The following SRCAP variants were observed in gnomAD, a reference collection of about 807,000 sequenced individuals.
SRCAP encodes the protein chromatin remodeling protein SRCAP.
A neutral mutation model predicts 263.1 loss-of-function variants in SRCAP; 46 were observed. That is an observed-to-expected ratio of 0.17 (90% CI 0.14 to 0.22). The LOEUF (loss-of-function observed/expected upper bound fraction) is 0.22. Ranked by LOEUF, SRCAP falls within the 10% of genes least tolerant of loss-of-function variation. The pLI, the probability that SRCAP is intolerant of heterozygous loss-of-function variation, is 1.00. For synonymous variants in SRCAP, 1,813 were observed against 1,662.1 expected (o/e 1.09, Z -2.21); for missense variants, 3,695 against 4,181.9 (o/e 0.88, Z 3.21).
chr16:30,735,435 C>G (rs1392215970), intron 31 of SRCAP, among the ~76,000 whole-genome samples: 1 of 151,038 alleles, frequency 6.6e-6, no homozygotes. Flanking sequence ...CGTGAGCCAC[C>G]GCGCCCGGCC....
rs1333008869 is a variant in SRCAP at position 30,713,395 on chromosome 16, G to T, written c.2300+18G>T. 3 of 1,613,846 alleles carry T rather than the reference G, an allele frequency of 1.9e-6. No homozygotes were observed. Among genetic ancestry groups the T allele is most frequent in the Non-Finnish European group, 2.5e-6 (3 of 1,179,852 alleles). ...TTCAACAGGTGGAGATGGAGATGGG[G>T]ATTCATGGGAGGGTTGACTTGGCTA... On this transcript the variant is annotated intron_variant, in intron 15 of 33. Transcript: ENST00000262518.
In SRCAP at chr16:30,724,002, G is replaced by A. The variant is rs771217843; in HGVS notation, c.4578G>A (p.Leu1526=). Residue 1526 remains leucine, a synonymous_variant, in exon 25 of 34, where the codon TTG becomes TTA. Transcript: ENST00000262518. ...SSSQTPGHPL[L]LAPTSSHVPG... is the part of the protein sequence containing the mutation. ...CTCAGACACCTGGTCACCCTCTGTT[G>A]TTGGCTCCCACCTCTTCACATGTTC... The A allele has an allele frequency of 6.2e-6, 10 of 1,613,922 alleles. No individual in the cohort carries two copies. The Admixed American group carries it at 6.7e-5, about 11-fold the overall frequency.
chr16:30,712,554 A>G (rs1441888181), intron 13 of SRCAP, 115 bp downstream of exon 13: 2 of 1,527,892 alleles, frequency 1.3e-6, no homozygotes, highest in East Asian at 2.3e-5. Flanking sequence ...CATTAACTGT[A>G]TAGAGAGGAC....
chr16:30,699,901 G>A lies in SRCAP; in HGVS notation c.-283-7G>A, dbSNP rs538599578. 6.6e-6 allele frequency: 1 copy of A among 152,340 alleles called. No homozygotes were observed. Among genetic ancestry groups the A allele is most frequent in the Admixed American group, 6.5e-5 (1 of 15,296 alleles). 9.4% of individuals were successfully genotyped at this position (152,340 alleles called of 1,614,324 possible). On this transcript the variant is annotated splice_region_variant and splice_polypyrimidine_tract_variant and intron_variant, in intron 1 of 33. Transcript: ENST00000262518. ...GAGTAAATAATACGCTTTGATGGAT[G>A]TTTCAGGTGTGATTCCCTTCAGTAC...
Position 30,723,659 on chromosome 16 carries a change from C to A in SRCAP, c.4235C>A (p.Ser1412Tyr). Residue 1412 changes from serine to tyrosine, a missense_variant, in exon 25 of 34, where the codon TCT (serine) becomes TAT (tyrosine). Physicochemically the swap from Ser to Tyr is moderately radical, Grantham distance 144. This residue lies in a region of SRCAP where 1,347 missense variants were observed against 1,304.4 expected (regional missense o/e 1.03). Transcript: ENST00000262518. ...CCATCCTCCCTCCCTGGGCCAGCCT[C>A]TTCTCCAATGCCAATTCCCAACTCC... is the stretch of plus-strand genomic sequence containing the variant. ...HVPSSLPGPA[S>Y]SPMPIPNSSP... is the part of the protein sequence containing the mutation. 1.2e-6 allele frequency: 2 copies of A among 1,613,852 alleles called. No homozygotes were observed. Among genetic ancestry groups the A allele is most frequent in the Non-Finnish European group, 1.7e-6 (2 of 1,179,812 alleles).
Position 30,724,400 on chromosome 16 carries a change from C to T in SRCAP, c.4976C>T (p.Ser1659Leu). ...PAPTPVLAPSSTQTMLPAPVP... is the reference protein window; with the variant it reads ...PAPTPVLAPSLTQTMLPAPVP... ...CCAACCCCTGTGTTGGCTCCATCAT[C>T]AACTCAAACTATGCTACCAGCCCCG... Residue 1659 changes from serine to leucine, a missense_variant, in exon 25 of 34, where the codon TCA becomes TTA. Physicochemically the swap from Ser to Leu is moderately radical, Grantham distance 145 (BLOSUM62 -2). Transcript: ENST00000262518. 6.2e-7 allele frequency: 1 copy of T among 1,614,192 alleles called. No homozygotes were observed. Among genetic ancestry groups the T allele is most frequent in the Non-Finnish European group, 8.5e-7 (1 of 1,180,030 alleles).
rs772873154 is a variant in SRCAP at position 30,739,132 on chromosome 16, C to A, written c.9092C>A (p.Ser3031Tyr). 4.3e-6 allele frequency: 7 copies of A among 1,614,224 alleles called. No individual in the cohort carries two copies. The highest frequency in any genetic ancestry group is 1.3e-5 in the African/African-American group (1 of 75,074). The change falls in exon 34 of 34, where the codon TCT becomes TAT. Residue 3031 changes from serine (S) to tyrosine (Y), a missense_variant. By Grantham distance (144) the Ser-to-Tyr change is moderately radical. This residue lies in a region of SRCAP where 1,207 missense variants were observed against 1,142.9 expected (regional missense o/e 1.06). Transcript: ENST00000262518. The stretch of plus-strand genomic sequence containing the variant: ...CCCGTCTTGGACCGTGACAGCACTT[C>A]TGTTCTCGAGAGCTGTGGATTGGGG... ...QLPVLDRDSTSVLESCGLGRR... is the reference protein window; with the variant it reads ...QLPVLDRDSTYVLESCGLGRR...
chr16:30,738,949 C>A lies in SRCAP; in HGVS notation c.8909C>A (p.Pro2970Gln). ...TCCGAAAGTCGGACACAGCCACCCC[C>A]ACACCCATCACCCCTAACCCCACTC... is the stretch of plus-strand genomic sequence containing the variant. ...GNSESRTQPP[P>Q]HPSPLTPLPP... Residue 2970 changes from proline to glutamine, a missense_variant, in exon 34 of 34, where the codon CCA becomes CAA. Around this residue, in one of 12 missense-constraint regions of SRCAP, gnomAD observed 1,207 missense variants for 1,142.9 expected, o/e 1.06. Coordinates refer to ENST00000262518, the MANE Select transcript of SRCAP (RefSeq NM_006662.3). 1.9e-6 allele frequency: 3 copies of A among 1,613,854 alleles called. No individual in the cohort carries two copies.
Position 30,709,605 on chromosome 16 carries a change from G to A in SRCAP, c.726G>A (p.Lys242=). ...ACTTCATTGTGGGGCAAACTGAAAA[G>A]TACTCGGACCTTCTGTCTCAGAGCC... The part of the protein sequence containing the change: ...HLDFIVGQTE[K]YSDLLSQSLN... The change falls in exon 7 of 34, where the codon AAG becomes AAA. Residue 242 remains lysine, a synonymous_variant. Coordinates refer to ENST00000262518, the MANE Select transcript of SRCAP (RefSeq NM_006662.3). The A allele has an allele frequency of 2.5e-6, 4 of 1,614,186 alleles. No individual in the cohort carries two copies. The highest frequency in any genetic ancestry group is 3.4e-6 in the Non-Finnish European group (4 of 1,180,044).
rs1228688415 is a variant in SRCAP, at chr16:30,713,383, G to A, written c.2300+6G>A. On this transcript the variant is annotated splice_donor_region_variant and intron_variant, in intron 15 of 33. Transcript: ENST00000262518. ...TCACTCCTCAACTTCAACAGGTGGA[G>A]ATGGAGATGGGGATTCATGGGAGGG... is the stretch of plus-strand genomic sequence containing the variant. 1.2e-6 allele frequency: 2 copies of A among 1,614,146 alleles called. No homozygotes were observed. The highest frequency in any genetic ancestry group is 1.3e-5 in the African/African-American group (1 of 75,056).
intron 16 of SRCAP, among the ~76,000 whole-genome samples, chr16:30,714,364 T>A (rs2052924157): frequency 6.6e-6 from 1 of 150,838 alleles, no homozygotes. Context: ...GCGCCCGGCC[T>A]ACGCCCGGCT....
Position 30,739,820 on chromosome 16 carries a change from G to C in SRCAP, c.*87G>C, listed in dbSNP as rs2053207349. ...TCTGTTAACCACTACTTGAAGTCTT[G>C]AGGGGGAAAGCCTCCAGGGAGACAT... On this transcript the variant is annotated 3_prime_UTR_variant, in exon 34 of 34. Coordinates refer to ENST00000262518, the MANE Select transcript of SRCAP (RefSeq NM_006662.3). The C allele has an allele frequency of 2.1e-6, 3 of 1,423,252 alleles. No homozygotes were observed. Among genetic ancestry groups the C allele is most frequent in the Admixed American group, 3.1e-5 (1 of 31,914 alleles). 88.2% of individuals were successfully genotyped at this position (1,423,252 alleles called of 1,614,324 possible).
chr16:30,723,059 C>T lies in SRCAP; in HGVS notation c.3989C>T (p.Ala1330Val), dbSNP rs2151293657. 6.2e-7 allele frequency: 1 copy of T among 1,614,154 alleles called. No homozygotes were observed. The highest frequency in any genetic ancestry group is 8.5e-7 in the Non-Finnish European group (1 of 1,180,034). ...GLTPVPPLAP[A>V]PRPPSSGLPA... Reference sequence around the variant, plus strand: ...ACTCCTGTTCCTCCATTGGCCCCAGCACCCCGGCCTCCGAGCTCTGGGCTT... The same window carrying T: ...ACTCCTGTTCCTCCATTGGCCCCAGTACCCCGGCCTCCGAGCTCTGGGCTT... The change falls in exon 24 of 34, where the codon GCA becomes GTA. Residue 1330 changes from alanine to valine, a missense_variant. By Grantham distance (64) the Ala-to-Val change is moderately conservative (BLOSUM62 0). Transcript: ENST00000262518.
intron 8 of SRCAP, 81 bp downstream of exon 8, chr16:30,710,209 T>G (rs1386928402): frequency 1.4e-6 from 2 of 1,466,846 alleles, no homozygotes; most frequent in Non-Finnish European, 1.8e-6. Context: ...GGCTGTGAGG[T>G]TGGTTATGAG....
Position 30,738,439 on chromosome 16 carries a change from A to C in SRCAP, c.8399A>C (p.Glu2800Ala). Residue 2800 changes from glutamate to alanine, a missense_variant, in exon 34 of 34, where the codon GAA (glutamate) becomes GCA (alanine). By Grantham distance (107) the Glu-to-Ala change is moderately radical. Transcript: ENST00000262518. Reference protein sequence around the residue: ...SPSVRSMSGPESSPPIGGPCE... With the variant: ...SPSVRSMSGPASSPPIGGPCE... ...TCTGTCCGCAGCATGTCAGGGCCAG[A>C]ATCCTCCCCTCCCATTGGTGGGCCC... is the stretch of plus-strand genomic sequence containing the variant. 1 of 1,554,462 alleles carries C rather than the reference A, an allele frequency of 6.4e-7. No homozygotes were observed. The highest frequency in any genetic ancestry group is 2.3e-5 in the East Asian group (1 of 44,368).
Position 30,710,033 on chromosome 16 carries a change from C to T in SRCAP, c.1039C>T (p.Pro347Ser), listed in dbSNP as rs1356593101. Residue 347 changes from proline to serine, a missense_variant, in exon 8 of 34, where the codon CCT (proline) becomes TCT (serine). Pro to Ser is a moderately conservative substitution (Grantham distance 74). Around this residue, in one of 12 missense-constraint regions of SRCAP, gnomAD observed 288 missense variants for 302.4 expected, o/e 0.95. Transcript: ENST00000262518. ...RSLPPQLLEG[P>S]SSPSQTPSSH... The stretch of plus-strand genomic sequence containing the variant: ...CCTTCCCCCTCAGCTGTTGGAAGGG[C>T]CTTCCAGCCCCTCTCAAACCCCCTC... 1 of 1,614,110 alleles carries T rather than the reference C, an allele frequency of 6.2e-7. No homozygotes were observed.
At chr16:30,721,693 C>CA (rs535559178) in intron 21 of SRCAP, among the ~76,000 whole-genome samples, 2 of 151,788 alleles carry the variant, frequency 1.3e-5, no homozygotes, top group East Asian at 3.9e-4. Flanking sequence ...GACCCTGTGT[C>CA]AAAAAAAATT....
In SRCAP at chr16:30,738,466, G is replaced by A. The variant is rs757395010; in HGVS notation, c.8426G>A (p.Cys2809Tyr). 6.3e-7 allele frequency: 1 copy of A among 1,580,360 alleles called. No individual in the cohort carries two copies. Among genetic ancestry groups the A allele is most frequent in the Non-Finnish European group, 8.6e-7 (1 of 1,163,434 alleles). Residue 2809 changes from cysteine to tyrosine, a missense_variant, in exon 34 of 34, where the codon TGT (cysteine) becomes TAT (tyrosine). By Grantham distance (194) the Cys-to-Tyr change is radical (BLOSUM62 -2). Around this residue, in one of 12 missense-constraint regions of SRCAP, gnomAD observed 1,207 missense variants for 1,142.9 expected, o/e 1.06. Transcript: ENST00000262518. The part of the protein sequence containing the change: ...PESSPPIGGP[C>Y]EAAPSSSLPT... ...TCCTCCCCTCCCATTGGTGGGCCCT[G>A]TGAAGCTGCTCCTTCATCCTCACTG...
chr16:30,709,690 G>A lies in SRCAP; in HGVS notation c.811G>A (p.Ala271Thr). The A allele has an allele frequency of 6.2e-7, 1 of 1,614,140 alleles. No homozygotes were observed. The highest frequency in any genetic ancestry group is 8.5e-7 in the Non-Finnish European group (1 of 1,180,034). ...GSSPCLGSSSAASSPPPPASR... is the reference protein window; with the variant it reads ...GSSPCLGSSSTASSPPPPASR... ...TTCCCCTTGCCTCGGCTCTTCCTCAGCTGCCTCCAGTCCTCCACCCCCTGC... is the reference window on the plus strand; with the variant it reads ...TTCCCCTTGCCTCGGCTCTTCCTCAACTGCCTCCAGTCCTCCACCCCCTGC... Residue 271 changes from alanine (A) to threonine (T), a missense_variant, in exon 7 of 34, where the codon GCT becomes ACT. Physicochemically the swap from Ala to Thr is moderately conservative, Grantham distance 58 (BLOSUM62 0). This residue lies in a region of SRCAP where 44 missense variants were observed against 42.9 expected (regional missense o/e 1.03). Coordinates refer to ENST00000262518, the MANE Select transcript of SRCAP (RefSeq NM_006662.3).
Sources: allele counts gnomAD v4.1 joint callset (sites outside exome capture counted in the v4.1 genomes callset), GRCh38; gene constraint gnomAD v4.1.1; regional missense constraint gnomAD v4.1.1; transcripts MANE v1.5; gene names NCBI Gene and HGNC (gene_info 2026-07-23, HGNC 2026-07-21).